B3GAT2: variants seen among roughly 807,000 people sequenced by gnomAD.
The protein encoded by B3GAT2 is galactosylgalactosylxylosylprotein 3-beta-glucuronosyltransferase 2.
Under a neutral mutation model 27.8 loss-of-function variants are expected in B3GAT2, and 26 were observed. That is an observed-to-expected ratio of 0.93 (90% CI 0.68 to 1.30). B3GAT2 has a LOEUF of 1.30. Among genes scored for constraint, B3GAT2 ranks in the 50% most tolerant of loss-of-function variants. The pLI is 0.00. For synonymous variants in B3GAT2, 218 were observed against 195.1 expected (o/e 1.12, Z -0.98); for missense variants, 458 against 459.0 (o/e 1.00, Z 0.02).
chr6:70,927,968 GA>G (rs1772992067), intron 1 of B3GAT2, among the ~76,000 whole-genome samples: 2 of 152,142 alleles, frequency 1.3e-5, no homozygotes, highest in African/African-American at 4.8e-5. Context: ...TAAAAGAACA[GA>G]AATCACAACA....
chr6:70,922,119 C>T (rs1475364273), intron 1 of B3GAT2, among the ~76,000 whole-genome samples: 5 of 151,960 alleles, frequency 3.3e-5, no homozygotes, highest in African/African-American at 7.3e-5. Context: ...TCTGTGGGAG[C>T]GGGGTGCCTG....
intron 1 of B3GAT2, among the ~76,000 whole-genome samples, chr6:70,935,181 C>G (rs939024042): frequency 1.3e-5 from 2 of 151,736 alleles, no homozygotes; most frequent in African/African-American, 4.8e-5. Context: ...TGTGGTGGCT[C>G]ACACCAGTAA....
rs771274376 is a variant in B3GAT2, at chr6:70,860,318, C to T, written c.*1345G>A. On this transcript the variant is annotated 3_prime_UTR_variant, in exon 4 of 4. Coordinates refer to ENST00000230053, the MANE Select transcript of B3GAT2 (RefSeq NM_080742.3). Reference sequence around the variant, plus strand: ...AGCTCATCAGGTCAGACTCTCAGCACACAACTGTGGAAATGAAAACTGCAA... The same window carrying T: ...AGCTCATCAGGTCAGACTCTCAGCATACAACTGTGGAAATGAAAACTGCAA... 8 of 1,609,772 alleles carry T rather than the reference C, an allele frequency of 5.0e-6. No individual in the cohort carries two copies. Among genetic ancestry groups the T allele is most frequent in the Non-Finnish European group, 6.8e-6 (8 of 1,178,858 alleles).
In B3GAT2 at chr6:70,956,528, G is replaced by T; in HGVS notation, c.-99C>A. ...GCGGCGGCGCCAGCACTTAGGGAGT[G>T]GTGATGGGTGCGCTGTCCATGGGGC... is the stretch of plus-strand genomic sequence containing the variant. On this transcript the variant is annotated 5_prime_UTR_variant, in exon 1 of 4. Coordinates refer to ENST00000230053, the MANE Select transcript of B3GAT2 (RefSeq NM_080742.3). 5 of 1,522,378 alleles carry T rather than the reference G, an allele frequency of 3.3e-6. No homozygotes were observed. Among genetic ancestry groups the T allele is most frequent in the Non-Finnish European group, 4.4e-6 (5 of 1,136,260 alleles). The allele number at this position is 1,522,378 out of a possible 1,614,324, so 94.3% of individuals were successfully genotyped here. A position where few individuals can be genotyped will look rare whatever the true frequency, so the allele number is the denominator to read the frequency against.
At chr6:70,903,089 A>C (rs1582369180) in intron 1 of B3GAT2, among the ~76,000 whole-genome samples, 5 of 152,260 alleles carry the variant, frequency 3.3e-5, no homozygotes, top group African/African-American at 1.2e-4. Context: ...CAATGTATAC[A>C]TGTATCAAAT....
At chr6:70,876,630 C>A (rs1772019344) in intron 2 of B3GAT2, among the ~76,000 whole-genome samples, 1 of 152,130 alleles carries the variant, frequency 6.6e-6, no homozygotes, top group South Asian at 2.1e-4. Flanking sequence ...TAAGCATAAT[C>A]ATTAAAAAAG....
chr6:70,893,795 C>A (rs763909931), intron 2 of B3GAT2, among the ~76,000 whole-genome samples: 6 of 152,062 alleles, frequency 3.9e-5, no homozygotes, highest in Non-Finnish European at 8.8e-5. Context: ...AGCTAACAGA[C>A]CCCTGGAAGG....
At chr6:70,939,361 T>C (rs1765349487) in intron 1 of B3GAT2, among the ~76,000 whole-genome samples, 1 of 147,958 alleles carries the variant, frequency 6.8e-6, no homozygotes, top group South Asian at 2.2e-4. Flanking sequence ...GATCTAGAAC[T>C]AGAAATACCA....
intron 1 of B3GAT2, among the ~76,000 whole-genome samples, chr6:70,903,344 T>C (rs1236549848): frequency 1.3e-5 from 2 of 152,022 alleles, no homozygotes; most frequent in African/African-American, 4.8e-5. Context: ...ATAGGAACCT[T>C]AAATAAATCT....
Position 70,858,906 on chromosome 6 carries a change from A to AAGTT in B3GAT2, c.*2753_*2756dup, listed in dbSNP as rs1447036853. ...ATATTATAAAATCCTATTTCTACCT[A>AAGTT]AGTTAGAGCTGAGATAGAACATTTC... On this transcript the variant is annotated 3_prime_UTR_variant, in exon 4 of 4. Coordinates refer to ENST00000230053, the MANE Select transcript of B3GAT2 (RefSeq NM_080742.3). 1 of 153,926 alleles carries AAGTT rather than the reference A, an allele frequency of 6.5e-6. No homozygotes were observed. Among genetic ancestry groups the AAGTT allele is most frequent in the Non-Finnish European group, 1.4e-5 (1 of 69,304 alleles). 9.5% of individuals were successfully genotyped at this position (153,926 alleles called of 1,614,324 possible).
chr6:70,857,905 T>C lies in B3GAT2; in HGVS notation c.*3758A>G. On this transcript the variant is annotated 3_prime_UTR_variant, in exon 4 of 4. Coordinates refer to ENST00000230053, the MANE Select transcript of B3GAT2 (RefSeq NM_080742.3). Reference sequence around the variant, plus strand: ...CGTGATAGCTCTGTCTTCATTCATTTTCTTTTTGTGGTGCAGGTGTATTTA... The same window carrying C: ...CGTGATAGCTCTGTCTTCATTCATTCTCTTTTTGTGGTGCAGGTGTATTTA... The C allele has an allele frequency of 6.2e-7, 1 of 1,611,160 alleles. No homozygotes were observed. The highest frequency in any genetic ancestry group is 8.5e-7 in the Non-Finnish European group (1 of 1,178,180).
At chr6:70,939,753 G>C (rs189529302) in intron 1 of B3GAT2, among the ~76,000 whole-genome samples, 2 of 150,538 alleles carry the variant, frequency 1.3e-5, no homozygotes, top group African/African-American at 4.9e-5. Context: ...GTGGGGTGGG[G>C]GTTGGGGGGA....
intron 1 of B3GAT2, among the ~76,000 whole-genome samples, chr6:70,900,935 C>G (rs1270196630): frequency 6.6e-6 from 1 of 151,988 alleles, no homozygotes; most frequent in Non-Finnish European, 1.5e-5. Context: ...TTTTTTTAAA[C>G]TAACAATTTC....
rs1425052724 is a variant in B3GAT2 at position 70,956,518 on chromosome 6, C to G, written c.-89G>C. The G allele has an allele frequency of 6.5e-7, 1 of 1,534,102 alleles. No homozygotes were observed. Among genetic ancestry groups the G allele is most frequent in the Non-Finnish European group, 8.8e-7 (1 of 1,140,718 alleles). On this transcript the variant is annotated 5_prime_UTR_variant, in exon 1 of 4. Coordinates refer to ENST00000230053, the MANE Select transcript of B3GAT2 (RefSeq NM_080742.3). Reference sequence around the variant, plus strand: ...AGCTTGGACAGCGGCGGCGCCAGCACTTAGGGAGTGGTGATGGGTGCGCTG... The same window carrying G: ...AGCTTGGACAGCGGCGGCGCCAGCAGTTAGGGAGTGGTGATGGGTGCGCTG...
chr6:70,938,587 A>C (rs1765335569), intron 1 of B3GAT2, among the ~76,000 whole-genome samples: 1 of 150,660 alleles, frequency 6.6e-6, no homozygotes, highest in East Asian at 1.9e-4. Flanking sequence ...CAGAGCCCTC[A>C]GAAATAACGC....
intron 1 of B3GAT2, among the ~76,000 whole-genome samples, chr6:70,938,557 T>G (rs868853998): frequency 5.8e-4 from 87 of 150,456 alleles, no homozygotes; most frequent in African/African-American, 2.1e-3. Flanking sequence ...AAAACAGAGA[T>G]ATAGATCAAT....
At position 70,861,991 on chromosome 6, in the gene B3GAT2, T is replaced by TAAA. The variant is rs575008239; in HGVS notation, c.737-16_737-14dup. The TAAA allele has an allele frequency of 2.5e-6, 3 of 1,222,090 alleles. No individual in the cohort carries two copies. Among genetic ancestry groups the TAAA allele is most frequent in the Non-Finnish European group, 3.3e-6 (3 of 901,236 alleles). The allele number at this position is 1,222,090 out of a possible 1,614,324, so 75.7% of individuals were successfully genotyped here. A position where few individuals can be genotyped will look rare whatever the true frequency, so the allele number is the denominator to read the frequency against. On this transcript the variant is annotated splice_polypyrimidine_tract_variant and intron_variant, in intron 2 of 3. Coordinates refer to ENST00000230053, the MANE Select transcript of B3GAT2 (RefSeq NM_080742.3). ...CTTACAGCAAATCCTTTGTGAAAAATAAAAAAAAAAAAGAGACTTTAAAAT... is the reference window on the plus strand; with the variant it reads ...CTTACAGCAAATCCTTTGTGAAAAATAAAAAAAAAAAAAAAGAGACTTTAAAAT...
chr6:70,884,384 A>G (rs1186726089), intron 2 of B3GAT2, among the ~76,000 whole-genome samples: 1 of 152,110 alleles, frequency 6.6e-6, no homozygotes, highest in Non-Finnish European at 1.5e-5. Context: ...TAATCCTTAC[A>G]CTAGAAAAGG....
At chr6:70,933,327 T>C (rs1773089664) in intron 1 of B3GAT2, among the ~76,000 whole-genome samples, 1 of 151,772 alleles carries the variant, frequency 6.6e-6, no homozygotes, top group Admixed American at 6.6e-5. Flanking sequence ...ACCTGTCTTA[T>C]CAGTATACAA....
Sources: gnomAD v4.1 joint callset for allele counts (sites outside exome capture counted in the v4.1 genomes callset) on GRCh38, gnomAD v4.1.1 for gene constraint, MANE v1.5 for transcripts, NCBI Gene and HGNC (gene_info 2026-07-23, HGNC 2026-07-21) for gene names.